Variants in DOCK1 observed in about 807,000 individuals in gnomAD.
DOCK1 encodes dedicator of cytokinesis 1, also known as dedicator of cytokinesis protein 1.
A neutral mutation model predicts 262.7 loss-of-function variants in DOCK1; 138 were observed. The ratio of observed to expected loss-of-function variants is 0.53; its 90% CI spans 0.46 to 0.61. The LOEUF is 0.61. DOCK1 is among the 20% of genes least tolerant of loss of function. DOCK1 has a pLI of 0.00. For missense variants in DOCK1, 1,908 were observed against 2,370.7 expected (o/e 0.80, Z 4.05); for synonymous variants, 866 against 867.4 (o/e 1.00, Z 0.03).
chr10:127,162,447 C>T (rs2053668383), intron 27 of DOCK1, among the ~76,000 whole-genome samples: 1 of 152,188 alleles, frequency 6.6e-6, no homozygotes, highest in Non-Finnish European at 1.5e-5. Context: ...CCCTGGCAAC[C>T]TCAACACAAA....
At chr10:127,019,603 C>T (rs548202680) in intron 13 of DOCK1, among the ~76,000 whole-genome samples, 6 of 152,188 alleles carry the variant, frequency 3.9e-5, no homozygotes, top group African/African-American at 1.4e-4. Context: ...AAAAAACTAG[C>T]TGGGCGTGGT....
intron 27 of DOCK1, among the ~76,000 whole-genome samples, chr10:127,238,999 A>G (rs2059168890): frequency 1.3e-5 from 2 of 152,152 alleles, no homozygotes; most frequent in Non-Finnish European, 2.9e-5. Context: ...AAGTGAGACA[A>G]GGGGTGGAAG....
chr10:127,275,407 G>T (rs959772349), intron 29 of DOCK1, among the ~76,000 whole-genome samples: 5 of 152,292 alleles, frequency 3.3e-5, no homozygotes, highest in Admixed American at 3.3e-4. Flanking sequence ...AGAGGAGGAG[G>T]CCAGCCTGCT....
intron 32 of DOCK1, among the ~76,000 whole-genome samples, chr10:127,360,264 G>T (rs12146409): frequency 0.21 from 31,780 of 152,008 alleles, 3,511 homozygotes; most frequent in Middle Eastern, 0.35. Flanking sequence ...AAGCTCTTTA[G>T]GAGCTCACCC....
intron 29 of DOCK1, among the ~76,000 whole-genome samples, chr10:127,286,412 T>C (rs1235557344): frequency 6.6e-6 from 1 of 152,198 alleles, no homozygotes; most frequent in Non-Finnish European, 1.5e-5. Flanking sequence ...AGTGGAGATA[T>C]AATCTCAGTG....
chr10:127,246,641 T>C (rs909110017), intron 27 of DOCK1, among the ~76,000 whole-genome samples: 1 of 152,260 alleles, frequency 6.6e-6, no homozygotes, highest in Non-Finnish European at 1.5e-5. Flanking sequence ...AAATGGAAGA[T>C]ATCATATCAT....
chr10:127,337,993 C>A (rs960458476), intron 29 of DOCK1, among the ~76,000 whole-genome samples: 3 of 152,144 alleles, frequency 2.0e-5, no homozygotes, highest in South Asian at 2.1e-4. Context: ...TGCCTTTTAG[C>A]GGCTGTGACA....
intron 44 of DOCK1, among the ~76,000 whole-genome samples, chr10:127,415,905 GAT>G (rs2068121539): frequency 3.7e-5 from 3 of 82,136 alleles, no homozygotes; most frequent in African/African-American, 1.8e-4. Flanking sequence ...AAAAACATCT[GAT>G]TGAAATCTGT....
rs187441420 is a variant in DOCK1, at chr10:127,060,546, G to A, written c.2337-1122G>A. On this transcript the variant is annotated intron_variant, in intron 22 of 51. Coordinates refer to ENST00000623213, the MANE Select transcript of DOCK1 (RefSeq NM_001290223.2). The stretch of plus-strand genomic sequence containing the variant: ...TCAGGTATCGTATATTTTTAATTAG[G>A]CAGCAAACTAGTATTAGTAAACACT... 6.6e-5 allele frequency among the ~76,000 whole-genome samples: 10 copies of A among 152,188 alleles called. No individual in the cohort carries two copies. The East Asian group carries it at 1.9e-3, about 29-fold the overall frequency.
rs1663558126 is a variant in DOCK1 at position 127,012,008 on chromosome 10, GGTTGCCCTCATTTGCTCT to G, written c.1059-220_1059-203del. ...GGTGCACGTTTATTCCTGGGGAGAG[GGTTGCCCTCATTTGCTCT>G]GTTCCCTCTCGTGGTTCAGCATTTT... On this transcript the variant is annotated intron_variant, in intron 11 of 51. Coordinates refer to ENST00000623213, the MANE Select transcript of DOCK1 (RefSeq NM_001290223.2). This position sits in a 1 kb window ranked among gnomAD's most constrained non-coding sequence, Gnocchi z 4.0. 1.3e-5 allele frequency among the ~76,000 whole-genome samples: 2 copies of G among 152,156 alleles called. No individual in the cohort carries two copies. Among genetic ancestry groups the G allele is most frequent in the Admixed American group, 1.3e-4 (2 of 15,292 alleles).
chr10:127,368,526 C>T (rs893491002), intron 33 of DOCK1, among the ~76,000 whole-genome samples: 1 of 152,094 alleles, frequency 6.6e-6, no homozygotes, highest in African/African-American at 2.4e-5. Flanking sequence ...GCATGCTTAC[C>T]CCTAAACTCA....
intron 27 of DOCK1, among the ~76,000 whole-genome samples, chr10:127,233,856 A>G (rs1490153153): frequency 1.3e-5 from 2 of 152,198 alleles, no homozygotes; most frequent in East Asian, 3.8e-4. Flanking sequence ...TTCTTAGTAA[A>G]AATGTAACAG....
At chr10:127,051,281 T>A (rs1162838944) in intron 21 of DOCK1, among the ~76,000 whole-genome samples, 2 of 152,198 alleles carry the variant, frequency 1.3e-5, no homozygotes, top group East Asian at 3.9e-4. Context: ...GGGAATCTTA[T>A]TAGGAAATGT....
At chr10:126,994,311 ATTT>A (rs2040011387) in intron 6 of DOCK1, among the ~76,000 whole-genome samples, 6 of 151,926 alleles carry the variant, frequency 3.9e-5, no homozygotes, top group Admixed American at 3.3e-4. Context: ...CTGTTTATTT[ATTT>A]ATTTATTTAT....
chr10:127,366,600 C>T (rs1392656002), intron 33 of DOCK1, among the ~76,000 whole-genome samples: 2 of 152,316 alleles, frequency 1.3e-5, no homozygotes, highest in Admixed American at 1.3e-4. Context: ...TTTCTAAGTC[C>T]TTTCTGACTC....
At chr10:127,024,449 A>G (rs764507183) in intron 14 of DOCK1, among the ~76,000 whole-genome samples, 1 of 152,176 alleles carries the variant, frequency 6.6e-6, no homozygotes, top group Non-Finnish European at 1.5e-5. Context: ...ACTGGAGGTC[A>G]GTGTCATCCC....
chr10:127,075,683 C>T (rs971872384), intron 23 of DOCK1, among the ~76,000 whole-genome samples: 2 of 152,114 alleles, frequency 1.3e-5, no homozygotes, highest in Non-Finnish European at 1.5e-5. Context: ...GGAAGTGACA[C>T]ACACTTTAAA....
intron 21 of DOCK1, among the ~76,000 whole-genome samples, chr10:127,050,742 C>T (rs1306121244): frequency 7.3e-5 from 11 of 150,832 alleles, no homozygotes; most frequent in African/African-American, 2.7e-4. Flanking sequence ...ATTTATCCAA[C>T]AGCAGTGTTA....
intron 29 of DOCK1, among the ~76,000 whole-genome samples, chr10:127,280,688 A>T (rs1325946711): frequency 1.3e-5 from 2 of 152,208 alleles, no homozygotes; most frequent in East Asian, 3.9e-4. Flanking sequence ...CAGGTAAGTT[A>T]AGGGCTTACT....
Sources: gnomAD v4.1 joint callset for allele counts (sites outside exome capture counted in the v4.1 genomes callset) on GRCh38, gnomAD v4.1.1 for gene constraint, Gnocchi (gnomAD v3.1) non-coding constraint, MANE v1.5 for transcripts, NCBI Gene and HGNC (gene_info 2026-07-23, HGNC 2026-07-21) for gene names.